Variants in ST6GAL2 observed in about 807,000 individuals in gnomAD.
ST6GAL2 encodes beta-galactoside alpha-2,6-sialyltransferase 2.
ST6GAL2 carries 24 observed loss-of-function variants against 37.5 expected under a neutral mutation model. The observed-to-expected ratio is 0.64, with a 90% CI of 0.46 to 0.90. ST6GAL2 has a LOEUF of 0.90. Ranked by LOEUF, ST6GAL2 falls within the 40% of genes least tolerant of loss-of-function variation. The pLI, the probability that ST6GAL2 is intolerant of heterozygous loss-of-function variation, is 0.00. For missense variants in ST6GAL2, 715 were observed against 712.7 expected, an observed-to-expected ratio of 1.00 and a Z score of -0.04; for synonymous variants, 306 against 295.1, an observed-to-expected ratio of 1.04 and a Z score of -0.38.
At chr2:106,814,462 T>C (rs1675723455) in intron 5 of ST6GAL2, among the ~76,000 whole-genome samples, 1 of 151,356 alleles carries the variant, frequency 6.6e-6, no homozygotes, top group African/African-American at 2.4e-5. Context: ...GAAATATTAG[T>C]TACAATATTA....
Position 106,871,403 on chromosome 2 carries a change from CA to C in ST6GAL2, c.-58+14689del, listed in dbSNP as rs752470036. 2.1e-3 allele frequency among the ~76,000 whole-genome samples: 315 copies of C among 151,320 alleles called. 1 individual carries two copies. Among genetic ancestry groups the C allele is most frequent in the Middle Eastern group, 0.01 (3 of 292 alleles). ...AAAGTGTAAGTTTACATGAAATTTACAAAAAAAATGGTTTTCTTTCTTCAAT... is the reference window on the plus strand; with the variant it reads ...AAAGTGTAAGTTTACATGAAATTTACAAAAAAATGGTTTTCTTTCTTCAAT... On this transcript the variant is annotated intron_variant, in intron 1 of 5. Coordinates refer to ENST00000409382, the MANE Select transcript of ST6GAL2 (RefSeq NM_001142351.2).
intron 1 of ST6GAL2, among the ~76,000 whole-genome samples, chr2:106,861,157 G>A (rs549804668): frequency 6.6e-6 from 1 of 152,242 alleles, no homozygotes; most frequent in African/African-American, 2.4e-5. Context: ...GCACAGCAAA[G>A]GGGAAGAAAA....
chr2:106,863,547 G>A (rs1351224756), intron 1 of ST6GAL2, among the ~76,000 whole-genome samples: 1 of 152,136 alleles, frequency 6.6e-6, no homozygotes, highest in East Asian at 1.9e-4. Context: ...AGCAGACCAT[G>A]ATGAAGTGGC....
intron 3 of ST6GAL2, 89 bp downstream of exon 3, chr2:106,833,960 C>T (rs1354258035): frequency 1.3e-5 from 12 of 911,956 alleles, no homozygotes; most frequent in Non-Finnish European, 1.9e-5. Context: ...GGTAACTTCT[C>T]TTCACTCATC....
intron 2 of ST6GAL2, 69 bp downstream of exon 2, chr2:106,842,966 A>T: frequency 8.3e-7 from 1 of 1,205,032 alleles, no homozygotes; most frequent in Non-Finnish European, 1.1e-6. Flanking sequence ...AGGCGCGCTC[A>T]GAAAGAACCG....
chr2:106,863,069 T>C (rs1207361715), intron 1 of ST6GAL2, among the ~76,000 whole-genome samples: 1 of 152,116 alleles, frequency 6.6e-6, no homozygotes, highest in Non-Finnish European at 1.5e-5. Flanking sequence ...TGCCATCATG[T>C]GCGTTACAGC....
At chr2:106,866,549 A>G (rs2104599824) in intron 1 of ST6GAL2, among the ~76,000 whole-genome samples, 1 of 152,354 alleles carries the variant, frequency 6.6e-6, no homozygotes, top group East Asian at 1.9e-4. Flanking sequence ...CCTCTACGAC[A>G]AGTGGAGGAT....
chr2:106,841,230 G>C (rs985536323), intron 2 of ST6GAL2: 4 of 152,136 alleles, frequency 2.6e-5, no homozygotes, highest in East Asian at 3.9e-4. Flanking sequence ...GCCTACAGTG[G>C]CTTCACCCTA....
At chr2:106,883,215 G>T (rs193253253) in intron 1 of ST6GAL2, among the ~76,000 whole-genome samples, 1 of 152,156 alleles carries the variant, frequency 6.6e-6, no homozygotes, top group Non-Finnish European at 1.5e-5. Flanking sequence ...AGGGGTGGGA[G>T]GTGGCTGGGA....
rs540983681 is a variant in ST6GAL2, at chr2:106,861,840, C to A, written c.-57-17806G>T. ...GGAGATGGGGTTTTACCGTGTTGGCCAGGCTGGTCTTGAACTCCTGACCTC... is the reference window on the plus strand; with the variant it reads ...GGAGATGGGGTTTTACCGTGTTGGCAAGGCTGGTCTTGAACTCCTGACCTC... On this transcript the variant is annotated intron_variant, in intron 1 of 5. Transcript: ENST00000409382. Among the ~76,000 whole-genome samples the A allele has an allele frequency of 2.0e-5, 3 of 152,160 alleles. No individual in the cohort carries two copies. In the East Asian group the frequency reaches 5.8e-4, roughly 29 times the overall value.
intron 5 of ST6GAL2, among the ~76,000 whole-genome samples, chr2:106,816,305 C>T (rs192167035): frequency 4.5e-4 from 69 of 152,206 alleles, no homozygotes; most frequent in East Asian, 4.3e-3. Context: ...GCCTTACATA[C>T]GTTAATAAAA....
chr2:106,876,723 G>C (rs1678516806), intron 1 of ST6GAL2, among the ~76,000 whole-genome samples: 1 of 152,186 alleles, frequency 6.6e-6, no homozygotes, highest in Non-Finnish European at 1.5e-5. Context: ...CGCATGCTCT[G>C]TGCAAGTTGG....
intron 1 of ST6GAL2, among the ~76,000 whole-genome samples, chr2:106,856,123 A>C (rs1677565050): frequency 1.3e-5 from 2 of 152,222 alleles, no homozygotes; most frequent in Admixed American, 6.5e-5. Context: ...AGAATAACAT[A>C]TTTTAAAAGA....
intron 1 of ST6GAL2, among the ~76,000 whole-genome samples, chr2:106,844,637 G>A (rs1401668010): frequency 2.6e-5 from 4 of 152,208 alleles, no homozygotes; most frequent in African/African-American, 9.6e-5. Flanking sequence ...CAGTGACTGT[G>A]TCTGTGGGTG....
intron 1 of ST6GAL2, among the ~76,000 whole-genome samples, chr2:106,883,694 CTTAATTTAATTTAAGCAAT>C (rs1157541479): frequency 5.3e-5 from 8 of 152,042 alleles, no homozygotes; most frequent in Non-Finnish European, 1.5e-5. Flanking sequence ...GAATTAAGTA[CTTAATTTAATTTAAGCAAT>C]TAAATTTTAA....
At chr2:106,848,011 A>G (rs1250109547) in intron 1 of ST6GAL2, among the ~76,000 whole-genome samples, 1 of 151,662 alleles carries the variant, frequency 6.6e-6, no homozygotes. Context: ...AAAGTTCAAA[A>G]AGTTTGAACC....
chr2:106,851,267 G>T (rs1232534917), intron 1 of ST6GAL2, among the ~76,000 whole-genome samples: 17 of 152,168 alleles, frequency 1.1e-4, no homozygotes, highest in African/African-American at 4.1e-4. Context: ...AAAATCAAAA[G>T]TGCCTCACTG....
chr2:106,855,869 T>C (rs538650057), intron 1 of ST6GAL2, among the ~76,000 whole-genome samples: 33 of 152,304 alleles, frequency 2.2e-4, no homozygotes, highest in African/African-American at 6.7e-4. Flanking sequence ...ATCTAACATT[T>C]TACACGGAAC....
intron 1 of ST6GAL2, among the ~76,000 whole-genome samples, chr2:106,854,916 T>A (rs1384746989): frequency 1.4e-5 from 2 of 147,540 alleles, no homozygotes; most frequent in African/African-American, 2.5e-5. Context: ...AAGGAATTTT[T>A]TATTATTTTT....
Sources: gnomAD v4.1 joint callset for allele counts (sites outside exome capture counted in the v4.1 genomes callset) on GRCh38, gnomAD v4.1.1 for gene constraint, MANE v1.5 for transcripts, NCBI Gene and HGNC (gene_info 2026-07-23, HGNC 2026-07-21) for gene names.